The following METTL14 variants were observed in gnomAD, a reference collection of about 807,000 sequenced individuals.
METTL14 encodes the protein N(6)-adenosine-methyltransferase non-catalytic subunit METTL14.
A neutral mutation model predicts 62.4 loss-of-function variants in METTL14; 32 were observed. That is an observed-to-expected ratio of 0.51 (90% CI 0.39 to 0.69). The LOEUF (loss-of-function observed/expected upper bound fraction) is 0.69, where lower values mean the gene tolerates loss of function less well. Among genes scored for constraint, METTL14 ranks in the 30% least tolerant of loss-of-function variants. The pLI, the probability that METTL14 is intolerant of heterozygous loss-of-function variation, is 0.00. For synonymous variants in METTL14, 150 were observed against 180.0 expected, an observed-to-expected ratio of 0.83 and a Z score of 1.34; for missense variants, 340 against 551.9, an observed-to-expected ratio of 0.62 and a Z score of 3.85.
rs1481469776 is a variant in METTL14, at chr4:118,700,588, A to G, written c.684A>G (p.Arg228=). The G allele has an allele frequency of 6.2e-7, 1 of 1,613,168 alleles. No individual in the cohort carries two copies. The highest frequency in any genetic ancestry group is 1.3e-5 in the African/African-American group (1 of 75,012). ...KLEIDEIAAP[R]SFIFLWCGSG... ...AAATTGATGAGATTGCAGCACCTCG[A>G]TCATTTATTTTTCTCTGGTGTGGTT... is the stretch of plus-strand genomic sequence containing the variant. Residue 228 remains arginine, a synonymous_variant, in exon 8 of 11, where the codon CGA becomes CGG. Coordinates refer to ENST00000388822, the MANE Select transcript of METTL14 (RefSeq NM_020961.4).
In METTL14 at chr4:118,713,075, C is replaced by T. The variant is rs546068272; in HGVS notation, c.*2773C>T. ...AGCACAGTGTGAGAGGTCAAGGTGT[C>T]AACCTGGGAAGTGAGAATCAAGCAG... On this transcript the variant is annotated 3_prime_UTR_variant, in exon 11 of 11. Transcript: ENST00000388822. 5 of 152,156 alleles carry T rather than the reference C, an allele frequency of 3.3e-5. No individual in the cohort carries two copies. Among genetic ancestry groups the T allele is most frequent in the African/African-American group, 1.2e-4 (5 of 41,486 alleles). The allele number at this position is 152,156 out of a possible 1,614,324, so 9.4% of individuals were successfully genotyped here.
At chr4:118,697,083 C>A in intron 6 of METTL14, 99 bp from the exon 7 acceptor site, 2 of 880,292 alleles carry the variant, frequency 2.3e-6, no homozygotes, top group Non-Finnish European at 3.4e-6. Context: ...TTAGTGATAT[C>A]TAAGACATTT....
rs150525193 is a variant in METTL14, at chr4:118,699,185, T to C, written c.646-1365T>C. Among the ~76,000 whole-genome samples the C allele has an allele frequency of 1.5e-3, 232 of 152,318 alleles. 1 individual carries two copies. Among genetic ancestry groups the C allele is most frequent in the Middle Eastern group, 6.8e-3 (2 of 294 alleles). On this transcript the variant is annotated intron_variant, in intron 7 of 10. Coordinates refer to ENST00000388822, the MANE Select transcript of METTL14 (RefSeq NM_020961.4). ...ATTAGAATCTTTGCATGTCCCTTTC[T>C]GAGTTAATGGTAGTTACTACTCTTA...
intron 1 of METTL14, chr4:118,686,465 C>T (rs1390587955): frequency 5.0e-6 from 2 of 401,478 alleles, no homozygotes; most frequent in African/African-American, 4.2e-5. Context: ...TGTAATTAGT[C>T]ATCTTGCAGT....
In METTL14 at chr4:118,713,914, A is replaced by G. The variant is rs1311696800; in HGVS notation, c.*3612A>G. ...TGCACAGAGAAAAACTACCTCATTC[A>G]ATCTAGATAATTGGGACATCCTTTT... is the stretch of plus-strand genomic sequence containing the variant. On this transcript the variant is annotated 3_prime_UTR_variant, in exon 11 of 11. Transcript: ENST00000388822. The G allele has an allele frequency of 6.6e-6, 1 of 152,230 alleles. No individual in the cohort carries two copies. The highest frequency in any genetic ancestry group is 1.9e-4 in the East Asian group (1 of 5,206). 9.4% of individuals were successfully genotyped at this position (152,230 alleles called of 1,614,324 possible). A position where few individuals can be genotyped will look rare whatever the true frequency, so the allele number is the denominator to read the frequency against.
chr4:118,691,638 G>A, intron 4 of METTL14, 26 bp downstream of exon 4: 1 of 1,193,410 alleles, frequency 8.4e-7, no homozygotes, highest in Non-Finnish European at 1.2e-6. Context: ...TTCAAATTTT[G>A]TAACTCTTCA....
intron 10 of METTL14, among the ~76,000 whole-genome samples, chr4:118,706,045 T>C (rs370721421): frequency 2.0e-5 from 3 of 152,338 alleles, no homozygotes; most frequent in East Asian, 1.9e-4. Flanking sequence ...CAGTTATCAG[T>C]ATCTCCCAAC....
chr4:118,697,070 TG>T, intron 6 of METTL14, 111 bp from the exon 7 acceptor site: 1 of 751,522 alleles, frequency 1.3e-6, no homozygotes, highest in African/African-American at 1.8e-5. Flanking sequence ...TTAGTAATAA[TG>T]TTTAGTGATA....
Position 118,689,443 on chromosome 4 carries a change from A to C in METTL14, c.229A>C (p.Met77Leu). ...LDEGETDEDKMEEYKDELEMQ... is the reference protein window; with the variant it reads ...LDEGETDEDKLEEYKDELEMQ... ...TGAAGGAGAGACAGATGAAGACAAA[A>C]TGGAAGAATATAAGGCAAGTAGAGA... Residue 77 changes from methionine to leucine, a missense_variant, in exon 3 of 11, where the codon ATG (methionine) becomes CTG (leucine). Physicochemically the swap from Met to Leu is conservative, Grantham distance 15. Around this residue, in one of 7 missense-constraint regions of METTL14, gnomAD observed 111 missense variants for 116.6 expected, o/e 0.95. Transcript: ENST00000388822. 1 of 1,587,924 alleles carries C rather than the reference A, an allele frequency of 6.3e-7. No homozygotes were observed. The highest frequency in any genetic ancestry group is 8.6e-7 in the Non-Finnish European group (1 of 1,159,876).
At position 118,705,828 on chromosome 4, in the gene METTL14, C is replaced by T; in HGVS notation, c.1066+7C>T. 6.3e-7 allele frequency: 1 copy of T among 1,599,016 alleles called. No individual in the cohort carries two copies. The highest frequency in any genetic ancestry group is 8.6e-7 in the Non-Finnish European group (1 of 1,167,790). ...GATAGTACAATTCGACCAGGTAGGA[C>T]CTCAGTTAACAACAACTTTTATGAT... On this transcript the variant is annotated splice_region_variant and intron_variant, in intron 10 of 10. Transcript: ENST00000388822.
intron 3 of METTL14, among the ~76,000 whole-genome samples, chr4:118,690,195 G>A (rs116785973): frequency 0.04 from 6,039 of 150,194 alleles, 173 homozygotes; most frequent in Non-Finnish European, 0.062. Flanking sequence ...CACGCACCAC[G>A]ACGCCCGGCT....
At chr4:118,706,195 A>C (rs555586275) in intron 10 of METTL14, among the ~76,000 whole-genome samples, 2 of 152,232 alleles carry the variant, frequency 1.3e-5, no homozygotes, top group Admixed American at 1.3e-4. Context: ...TCTATCCACC[A>C]TTATAGGATC....
chr4:118,705,428 C>T (rs923665338), intron 9 of METTL14, among the ~76,000 whole-genome samples, 183 bp from the exon 10 acceptor site: 10 of 152,128 alleles, frequency 6.6e-5, no homozygotes, highest in Non-Finnish European at 1.5e-4. Flanking sequence ...GAGCTGAGAT[C>T]GTGCTACTGT....
chr4:118,702,936 GTTTTAT>G (rs1344806998), intron 8 of METTL14, among the ~76,000 whole-genome samples: 1 of 101,698 alleles, frequency 9.8e-6, no homozygotes, highest in Non-Finnish European at 2.1e-5. Flanking sequence ...TTGTTGGAAG[GTTTTAT>G]TATTATTATT....
At chr4:118,706,464 G>T (rs561896254) in intron 10 of METTL14, among the ~76,000 whole-genome samples, 1 of 152,194 alleles carries the variant, frequency 6.6e-6, no homozygotes, top group African/African-American at 2.4e-5. Flanking sequence ...TCCATTGGAT[G>T]TACCGCAGTT....
At chr4:118,689,748 A>C (rs1307140459) in intron 3 of METTL14, among the ~76,000 whole-genome samples, 1 of 147,892 alleles carries the variant, frequency 6.8e-6, no homozygotes, top group Non-Finnish European at 1.5e-5. Context: ...ATTCTAAGGG[A>C]TTCTTCTGCC....
chr4:118,706,935 C>G (rs1724773094), intron 10 of METTL14, among the ~76,000 whole-genome samples: 2 of 151,752 alleles, frequency 1.3e-5, no homozygotes, highest in South Asian at 4.2e-4. Context: ...TGTTTGTTTT[C>G]TTATTGTTGA....
chr4:118,705,989 G>A (rs576245817), intron 10 of METTL14, among the ~76,000 whole-genome samples, 168 bp downstream of exon 10: 4 of 152,208 alleles, frequency 2.6e-5, no homozygotes, highest in Non-Finnish European at 5.9e-5. Context: ...GGAAGGCACA[G>A]AGACTTTTCC....
rs759314375 is a variant in METTL14, at chr4:118,703,949, G to C, written c.753G>C (p.Trp251Cys). ...TTTGTTTCTAGTGTTTACGAAAATG[G>C]GGTTACAGAAGATGTGAAGATATTT... ...LDLGRVCLRK[W>C]GYRRCEDICW... Residue 251 changes from tryptophan to cysteine, a missense_variant, in exon 9 of 11, where the codon TGG becomes TGC. Trp to Cys is a radical substitution (Grantham distance 215). Around this residue, in one of 7 missense-constraint regions of METTL14, gnomAD observed 58 missense variants for 147.5 expected, o/e 0.39. Transcript: ENST00000388822. 2 of 1,560,962 alleles carry C rather than the reference G, an allele frequency of 1.3e-6. No homozygotes were observed. Among genetic ancestry groups the C allele is most frequent in the Non-Finnish European group, 1.7e-6 (2 of 1,160,428 alleles).
Sources: gnomAD v4.1 joint callset for allele counts (sites outside exome capture counted in the v4.1 genomes callset) on GRCh38, gnomAD v4.1.1 for gene constraint, gnomAD v4.1.1 regional missense constraint, MANE v1.5 for transcripts, NCBI Gene and HGNC (gene_info 2026-07-23, HGNC 2026-07-21) for gene names.